The following KLHL1 variants were observed in gnomAD, a reference collection of about 807,000 sequenced individuals.
The protein encoded by KLHL1 is kelch like family member 1.
A neutral mutation model predicts 77.7 loss-of-function variants in KLHL1; 47 were observed. The ratio of observed to expected loss-of-function variants is 0.60; its 90% CI spans 0.48 to 0.77. The LOEUF (loss-of-function observed/expected upper bound fraction) is 0.77. Among genes scored for constraint, KLHL1 ranks in the 30% least tolerant of loss-of-function variants. The probability of loss-of-function intolerance (pLI) is 0.00; values close to 1 mark genes in which losing one functional copy is unlikely to be tolerated. For synonymous variants in KLHL1, 360 were observed against 325.2 expected, an observed-to-expected ratio of 1.11 and a Z score of -1.15; for missense variants, 925 against 910.8, an observed-to-expected ratio of 1.02 and a Z score of -0.20.
chr13:69,794,097 C>T (rs1876995352), intron 7 of KLHL1, among the ~76,000 whole-genome samples: 1 of 152,108 alleles, frequency 6.6e-6, no homozygotes, highest in East Asian at 1.9e-4. Flanking sequence ...ATTACCTTCT[C>T]ATTTAAGCTA....
At chr13:69,987,978 T>G (rs1166688745) in intron 1 of KLHL1, among the ~76,000 whole-genome samples, 1 of 151,990 alleles carries the variant, frequency 6.6e-6, no homozygotes, top group Non-Finnish European at 1.5e-5. Context: ...TTATTTTAGG[T>G]TCAGTGGTAC....
intron 4 of KLHL1, among the ~76,000 whole-genome samples, chr13:69,924,488 C>G (rs1183161148): frequency 6.6e-6 from 1 of 152,174 alleles, no homozygotes; most frequent in Non-Finnish European, 1.5e-5. Context: ...GAGAGCTGAA[C>G]ACTCATTGGG....
intron 5 of KLHL1, among the ~76,000 whole-genome samples, chr13:69,842,216 T>C (rs999639110): frequency 2.0e-5 from 3 of 151,766 alleles, no homozygotes; most frequent in African/African-American, 7.3e-5. Context: ...ATTAAAAAGC[T>C]TCTGCACAAC....
At chr13:70,064,267 T>C (rs1223064185) in intron 1 of KLHL1, among the ~76,000 whole-genome samples, 1 of 152,174 alleles carries the variant, frequency 6.6e-6, no homozygotes, top group African/African-American at 2.4e-5. Flanking sequence ...GGGATTGCAA[T>C]GTCTTTTAGA....
chr13:69,706,497 G>A (rs1875634342), intron 10 of KLHL1, among the ~76,000 whole-genome samples: 1 of 151,832 alleles, frequency 6.6e-6, no homozygotes, highest in Non-Finnish European at 1.5e-5. Flanking sequence ...TAAAACAAAT[G>A]TACTTTAATC....
In KLHL1 at chr13:69,789,372, C is replaced by CT. The variant is rs200227838; in HGVS notation, c.1639+7365dup. On this transcript the variant is annotated intron_variant, in intron 7 of 10. Coordinates refer to ENST00000377844, the MANE Select transcript of KLHL1 (RefSeq NM_020866.3). ...CAAAATATTATTACATTATTATTTA[C>CT]TTTTTTTTTGGCAACAGCATATATG... Among the ~76,000 whole-genome samples, 20 of 150,302 alleles carry CT rather than the reference C, an allele frequency of 1.3e-4. No homozygotes were observed. The South Asian group carries it at 1.5e-3, about 11-fold the overall frequency.
intron 7 of KLHL1, among the ~76,000 whole-genome samples, chr13:69,779,095 G>A (rs1410939506): frequency 6.6e-6 from 1 of 151,980 alleles, no homozygotes; most frequent in Non-Finnish European, 1.5e-5. Context: ...ACCATGCCCG[G>A]TCAGTTATTC....
chr13:69,796,833 T>C lies in KLHL1; in HGVS notation c.1544A>G (p.Asp515Gly). The change falls in exon 7 of 11, where the codon GAT becomes GGT. Residue 515 changes from aspartate (D) to glycine (G), a missense_variant. By Grantham distance (94) the Asp-to-Gly change is moderately conservative. Transcript: ENST00000377844. The stretch of plus-strand genomic sequence containing the variant: ...AACAGTGTTCAATGTCTTTAAGCCA[T>C]CTCGACCTCCAATTACAAAGAGTTT... ...DDKLFVIGGRDGLKTLNTVEC... is the reference protein window; with the variant it reads ...DDKLFVIGGRGGLKTLNTVEC... 6.2e-7 allele frequency: 1 copy of C among 1,614,174 alleles called. No homozygotes were observed.
At chr13:69,809,151 G>A (rs952482106) in intron 6 of KLHL1, among the ~76,000 whole-genome samples, 4 of 152,068 alleles carry the variant, frequency 2.6e-5, no homozygotes, top group East Asian at 3.9e-4. Context: ...GATATAACTC[G>A]GAAATATTTC....
At chr13:69,939,686 GGTTCCTGGAGGGTTAT>G (rs1440520665) in intron 4 of KLHL1, among the ~76,000 whole-genome samples, 1 of 152,072 alleles carries the variant, frequency 6.6e-6, no homozygotes, top group Admixed American at 6.6e-5. Flanking sequence ...AACACGTGGA[GGTTCCTGGAGGGTTAT>G]GTGCCCAGGG....
chr13:70,103,845 A>G (rs149993559), intron 1 of KLHL1, among the ~76,000 whole-genome samples: 1 of 152,244 alleles, frequency 6.6e-6, no homozygotes, highest in East Asian at 1.9e-4. Flanking sequence ...GGACTCTATG[A>G]CATCTATCAA....
chr13:69,829,927 CACT>C (rs940988433), intron 6 of KLHL1, among the ~76,000 whole-genome samples: 13 of 150,026 alleles, frequency 8.7e-5, no homozygotes, highest in African/African-American at 3.3e-4. Context: ...GCCAAGCCAG[CACT>C]ACAAGAACTG....
chr13:69,783,797 AG>A (rs1396677290), intron 7 of KLHL1, among the ~76,000 whole-genome samples: 1 of 148,160 alleles, frequency 6.7e-6, no homozygotes, highest in East Asian at 2.0e-4. Flanking sequence ...CTAGCAAGGC[AG>A]GCCAACATTC....
At chr13:69,898,164 C>T (rs1316699484) in intron 4 of KLHL1, among the ~76,000 whole-genome samples, 1 of 152,196 alleles carries the variant, frequency 6.6e-6, no homozygotes, top group Non-Finnish European at 1.5e-5. Flanking sequence ...CCAAATAATT[C>T]CTGCCTAGAT....
chr13:69,897,636 G>A (rs1281602870), intron 4 of KLHL1, among the ~76,000 whole-genome samples: 1 of 152,108 alleles, frequency 6.6e-6, no homozygotes, highest in East Asian at 1.9e-4. Flanking sequence ...ACTACCTAAA[G>A]AGGAGGGGAA....
In KLHL1 at chr13:69,982,547, AAGAG is replaced by A. The variant is rs1884742525; in HGVS notation, c.498-6749_498-6746del. Among the ~76,000 whole-genome samples the A allele has an allele frequency of 2.0e-5, 3 of 150,934 alleles. No individual in the cohort carries two copies. In the East Asian group the frequency reaches 5.8e-4, roughly 29 times the overall value. On this transcript the variant is annotated intron_variant, in intron 1 of 10. Coordinates refer to ENST00000377844, the MANE Select transcript of KLHL1 (RefSeq NM_020866.3). ...TCACTTAACCTCAAAGGAAGACTGA[AAGAG>A]AGAACGAAAGTAAGAAAGAATCTAC...
chr13:69,963,274 G>T (rs1032236861), intron 2 of KLHL1, among the ~76,000 whole-genome samples: 2 of 151,984 alleles, frequency 1.3e-5, no homozygotes, highest in African/African-American at 4.8e-5. Flanking sequence ...TTACATTTGG[G>T]TTTAATTGTA....
chr13:69,942,239 C>T (rs1593971694), intron 3 of KLHL1, among the ~76,000 whole-genome samples: 2 of 151,876 alleles, frequency 1.3e-5, no homozygotes, highest in East Asian at 3.8e-4. Flanking sequence ...TCAATGGCAG[C>T]CTTTAGTGCC....
intron 7 of KLHL1, among the ~76,000 whole-genome samples, chr13:69,790,228 TAAG>T (rs1299622359): frequency 2.6e-5 from 4 of 151,494 alleles, no homozygotes; most frequent in African/African-American, 4.9e-5. Flanking sequence ...CTACTAATAA[TAAG>T]AACACTGGCA....
Sources: gnomAD v4.1 joint callset for allele counts (sites outside exome capture counted in the v4.1 genomes callset) on GRCh38, gnomAD v4.1.1 for gene constraint, MANE v1.5 for transcripts, NCBI Gene and HGNC (gene_info 2026-07-23, HGNC 2026-07-21) for gene names.